The following RBFOX1 variants were observed in gnomAD, a reference collection of about 807,000 sequenced individuals.
RBFOX1 encodes the protein RNA binding fox-1 homolog 1, also known as RNA binding protein fox-1 homolog 1.
A neutral mutation model predicts 57.7 loss-of-function variants in RBFOX1; 8 were observed. That is an observed-to-expected ratio of 0.14 (90% CI 0.08 to 0.25). RBFOX1 has a LOEUF of 0.25. RBFOX1 is among the 10% of genes least tolerant of loss of function. RBFOX1 has a pLI of 1.00. For synonymous variants in RBFOX1, 326 were observed against 222.4 expected (o/e 1.47, Z -4.15); for missense variants, 611 against 548.5 (o/e 1.11, Z -1.14).
chr16:7,523,844 C>A (rs1600824471), intron 5 of RBFOX1, among the ~76,000 whole-genome samples: 1 of 152,160 alleles, frequency 6.6e-6, no homozygotes, highest in Non-Finnish European at 1.5e-5. Flanking sequence ...ACCAGCAGAA[C>A]GTGGTCTATG....
chr16:6,566,213 A>T (rs571791021), intron 2 of RBFOX1, among the ~76,000 whole-genome samples: 1 of 152,176 alleles, frequency 6.6e-6, no homozygotes, highest in African/African-American at 2.4e-5. Flanking sequence ...GAGAAACATA[A>T]TTTTTTGGTG....
chr16:6,927,368 G>T (rs753087171), intron 3 of RBFOX1, among the ~76,000 whole-genome samples: 127 of 122,902 alleles, frequency 1.0e-3, no homozygotes, highest in African/African-American at 4.1e-3. Context: ...AGCTGAGATC[G>T]CACCGCTCCA....
chr16:6,400,734 C>G (rs566984475), intron 2 of RBFOX1, among the ~76,000 whole-genome samples: 1 of 152,184 alleles, frequency 6.6e-6, no homozygotes, highest in South Asian at 2.1e-4. Flanking sequence ...CCTGTCTCTA[C>G]AAAAAATTCA....
chr16:6,172,077 T>C (rs1392369666), intron 1 of RBFOX1, among the ~76,000 whole-genome samples: 1 of 152,114 alleles, frequency 6.6e-6, no homozygotes, highest in Non-Finnish European at 1.5e-5. Context: ...TGCCTCTGCC[T>C]CCCAAAGTGC....
At chr16:7,634,037 G>C (rs1356074086) in intron 11 of RBFOX1, among the ~76,000 whole-genome samples, 4 of 152,168 alleles carry the variant, frequency 2.6e-5, no homozygotes, top group Non-Finnish European at 4.4e-5. Flanking sequence ...TGGTCATCCA[G>C]GATTTTTCTT....
At chr16:5,968,998 C>T (rs942772758) in intron 4 of RBFOX1, among the ~76,000 whole-genome samples, 1 of 151,848 alleles carries the variant, frequency 6.6e-6, no homozygotes, top group Non-Finnish European at 1.5e-5. Context: ...TTGATTTGCC[C>T]TTAGGTTTTT....
chr16:5,784,609 C>G (rs1030033993), intron 3 of RBFOX1, among the ~76,000 whole-genome samples: 9 of 152,160 alleles, frequency 5.9e-5, no homozygotes, highest in Non-Finnish European at 1.2e-4. Flanking sequence ...ATTCGCTCAC[C>G]TCCCATCTGG....
At chr16:5,388,991 A>T (rs768474784) in intron 1 of RBFOX1, among the ~76,000 whole-genome samples, 3 of 151,488 alleles carry the variant, frequency 2.0e-5, no homozygotes, top group Non-Finnish European at 4.4e-5. Context: ...GGAGATCGAG[A>T]CCATCTTGGC....
At chr16:7,399,670 G>A (rs114730701) in intron 4 of RBFOX1, among the ~76,000 whole-genome samples, 3 of 152,024 alleles carry the variant, frequency 2.0e-5, no homozygotes, top group Non-Finnish European at 4.4e-5. Context: ...CTTCTGTTCT[G>A]TGTGTCTTCT....
At chr16:6,760,210 T>G (rs765443619) in intron 3 of RBFOX1, among the ~76,000 whole-genome samples, 18 of 152,230 alleles carry the variant, frequency 1.2e-4, no homozygotes, top group Non-Finnish European at 2.4e-4. Context: ...TCTAAATAGT[T>G]TGTAATGAAT....
chr16:6,798,250 A>T (rs1345401934), intron 3 of RBFOX1, among the ~76,000 whole-genome samples: 1 of 152,158 alleles, frequency 6.6e-6, no homozygotes, highest in East Asian at 1.9e-4. Flanking sequence ...CCCAGAGAAG[A>T]GTTCCTGGAT....
At chr16:6,798,224 C>G (rs150901503) in intron 3 of RBFOX1, among the ~76,000 whole-genome samples, 56 of 152,242 alleles carry the variant, frequency 3.7e-4, no homozygotes, top group African/African-American at 1.2e-3. Flanking sequence ...GCCTAAGAAT[C>G]ACTGGGGATA....
At chr16:7,333,149 A>G in intron 4 of RBFOX1, 1 of 1,495,178 alleles carries the variant, frequency 6.7e-7, no homozygotes, top group Non-Finnish European at 9.3e-7. Context: ...TAATAATTGG[A>G]ATTTTTATGG....
At chr16:6,848,590 A>C (rs1007686337) in intron 3 of RBFOX1, among the ~76,000 whole-genome samples, 2 of 152,088 alleles carry the variant, frequency 1.3e-5, no homozygotes, top group African/African-American at 4.8e-5. Context: ...AACCAAAGAA[A>C]GAATGAAAGA....
intron 2 of RBFOX1, among the ~76,000 whole-genome samples, chr16:6,375,991 GTTTT>G (rs2091126659): frequency 6.6e-6 from 1 of 152,096 alleles, no homozygotes; most frequent in Non-Finnish European, 1.5e-5. Context: ...CTCCCCCTCT[GTTTT>G]GTTTCATGAC....
chr16:5,405,951 A>G lies in RBFOX1; in HGVS notation c.220-61265A>G, dbSNP rs543964166. 3.3e-5 allele frequency among the ~76,000 whole-genome samples: 5 copies of G among 152,304 alleles called. No individual in the cohort carries two copies. In the South Asian group the frequency reaches 6.2e-4, roughly 19 times the overall value. On this transcript the variant is annotated intron_variant, in intron 1 of 2. Coordinates refer to the RBFOX1 transcript ENST00000585867. ...GAGAACGCTCTGGGGAAGAGAGAAC[A>G]TCGGGGACAGGGAAGCATGTCTGGA...
exon 3 of RBFOX1, chr16:5,599,050 G>A (rs1400445978): frequency 5.8e-6 from 7 of 1,208,400 alleles, no homozygotes; most frequent in East Asian, 2.5e-5. Flanking sequence ...ATCAATCACC[G>A]GGAATGGTTT....
At position 5,432,219 on chromosome 16, in the gene RBFOX1, A is replaced by G. The variant is rs530055066; in HGVS notation, c.220-34997A>G. On this transcript the variant is annotated intron_variant, in intron 1 of 2. Coordinates refer to the RBFOX1 transcript ENST00000585867. Reference sequence around the variant, plus strand: ...AGAAATCTGAAAAACACAATTCTGAAAGCATGGGACAGAATCAAATCGGCC... The same window carrying G: ...AGAAATCTGAAAAACACAATTCTGAGAGCATGGGACAGAATCAAATCGGCC... Among the ~76,000 whole-genome samples the G allele has an allele frequency of 2.0e-5, 3 of 152,308 alleles. No homozygotes were observed. In the East Asian group the frequency reaches 5.8e-4, roughly 29 times the overall value.
intron 4 of RBFOX1, among the ~76,000 whole-genome samples, chr16:7,450,253 G>A (rs1399133389): frequency 6.6e-6 from 1 of 151,918 alleles, no homozygotes; most frequent in African/African-American, 2.4e-5. Flanking sequence ...AATTAGCTGG[G>A]CATGGTGACA....
Sources: allele counts gnomAD v4.1 joint callset (sites outside exome capture counted in the v4.1 genomes callset), GRCh38; gene constraint gnomAD v4.1.1; transcripts MANE v1.5; gene names NCBI Gene and HGNC (gene_info 2026-07-23, HGNC 2026-07-21).